Variants in LAMB1 observed in about 807,000 individuals in gnomAD.
LAMB1 encodes the protein laminin subunit beta 1, also known as laminin subunit beta-1.
LAMB1 carries 121 observed loss-of-function variants against 222.3 expected under a neutral mutation model. The observed-to-expected ratio is 0.54, with a 90% CI of 0.47 to 0.63. LAMB1 has a LOEUF of 0.63. Ranked by LOEUF, LAMB1 falls within the 30% of genes least tolerant of loss-of-function variation. The pLI is 0.00. For synonymous variants in LAMB1, 794 were observed against 807.2 expected (o/e 0.98, Z 0.28); for missense variants, 2,172 against 2,240.8 (o/e 0.97, Z 0.62).
In LAMB1 at chr7:107,937,049, G is replaced by A. The variant is rs78931465; in HGVS notation, c.3946+44C>T. ...GCTATATTAAAACGTTAGACATATC[G>A]TTAAATCCATTGTCTGGGACTATTT... On this transcript the variant is annotated intron_variant, in intron 26 of 33. Coordinates refer to ENST00000222399, the MANE Select transcript of LAMB1 (RefSeq NM_002291.3). 8.4e-4 allele frequency: 1,275 copies of A among 1,510,492 alleles called. 23 individuals are homozygous for A. In the East Asian group the frequency reaches 0.028, roughly 33 times the overall value. The allele number at this position is 1,510,492 out of a possible 1,614,324, so 93.6% of individuals were successfully genotyped here. A position where few individuals can be genotyped will look rare whatever the true frequency, so the allele number is the denominator to read the frequency against.
chr7:107,924,430 GT>G (rs1562924821), intron 32 of LAMB1, 41 bp from the exon 33 acceptor site: 1 of 1,495,814 alleles, frequency 6.7e-7, no homozygotes, highest in Non-Finnish European at 9.1e-7. Flanking sequence ...GGTAATGTTA[GT>G]GTCAGTAATT....
chr7:107,991,682 G>A (rs966673449), intron 5 of LAMB1, among the ~76,000 whole-genome samples: 9 of 151,942 alleles, frequency 5.9e-5, no homozygotes, highest in Admixed American at 3.3e-4. Context: ...ACGCCGAGGC[G>A]GGCAGATCAT....
At chr7:107,946,699 C>G (rs1254963885) in intron 24 of LAMB1, among the ~76,000 whole-genome samples, 1 of 152,170 alleles carries the variant, frequency 6.6e-6, no homozygotes, top group East Asian at 1.9e-4. Flanking sequence ...TTATAGTTCT[C>G]TAAAGAATCG....
chr7:107,953,398 G>T, intron 22 of LAMB1, 132 bp downstream of exon 22: 2 of 696,146 alleles, frequency 2.9e-6, no homozygotes, highest in Non-Finnish European at 4.8e-6. Flanking sequence ...TTCCTTAGTT[G>T]AAAGTGAAAT....
intron 24 of LAMB1, among the ~76,000 whole-genome samples, chr7:107,949,088 A>G (rs1480666317): frequency 6.6e-6 from 1 of 152,236 alleles, no homozygotes; most frequent in East Asian, 1.9e-4. Flanking sequence ...GATGAAAGGA[A>G]CAAAGAAGTT....
rs1451849061 is a variant in LAMB1 at position 108,001,642 on chromosome 7, G to A, written c.129C>T (p.Leu43=). The A allele has an allele frequency of 1.9e-6, 3 of 1,613,250 alleles. No homozygotes were observed. The highest frequency in any genetic ancestry group is 8.5e-7 in the Non-Finnish European group (1 of 1,179,884). ...CCGAAAGCTTCTGTGCTCGGCCGAT[G>A]AGAAGGTCGCCCGTGGCGGGATAGC... ...GSCYPATGDL[L]IGRAQKLSVT... Residue 43 remains leucine (L), a synonymous_variant, in exon 3 of 34, where the codon CTC becomes CTT. Transcript: ENST00000222399.
At position 107,924,099 on chromosome 7, in the gene LAMB1, T is replaced by TA; in HGVS notation, c.5225-13dup. The TA allele has an allele frequency of 6.8e-7, 1 of 1,464,380 alleles. No homozygotes were observed. Among genetic ancestry groups the TA allele is most frequent in the Non-Finnish European group, 9.1e-7 (1 of 1,094,648 alleles). 90.7% of individuals were successfully genotyped at this position (1,464,380 alleles called of 1,614,324 possible). On this transcript the variant is annotated splice_polypyrimidine_tract_variant and intron_variant, in intron 33 of 33. Transcript: ENST00000222399. Reference sequence around the variant, plus strand: ...TTTTCTTTCTAAATCTGTGGGGAGATATATATATATAAAGTCTGAGCAATT... The same window carrying TA: ...TTTTCTTTCTAAATCTGTGGGGAGATAATATATATATAAAGTCTGAGCAATT...
chr7:108,002,443 T>A (rs570768692), intron 2 of LAMB1: 13 of 1,301,784 alleles, frequency 1.0e-5, no homozygotes, highest in Admixed American at 2.7e-5. Context: ...CCCCCATCTG[T>A]TCCCAGAATG....
At position 107,931,379 on chromosome 7, in the gene LAMB1, T is replaced by C; in HGVS notation, c.4514A>G (p.Lys1505Arg). ...ACGGGTCAAAAAGTTTCTGATTTGC[T>C]TGATTAGATTTCTCAGCTCCTCATT... ...KSNEELRNLI[K>R]QIRNFLTQDS... is the part of the protein sequence containing the mutation. Residue 1505 changes from lysine (K) to arginine (R), a missense_variant, in exon 29 of 34, where the codon AAG becomes AGG. Transcript: ENST00000222399. 3.7e-6 allele frequency: 6 copies of C among 1,613,542 alleles called. No homozygotes were observed. The highest frequency in any genetic ancestry group is 5.1e-6 in the Non-Finnish European group (6 of 1,179,812).
chr7:107,930,435 T>G (rs756881528), intron 29 of LAMB1, among the ~76,000 whole-genome samples: 43 of 152,248 alleles, frequency 2.8e-4, no homozygotes, highest in Non-Finnish European at 5.1e-4. Flanking sequence ...GACTCCTTAT[T>G]AGCCATGCCT....
intron 7 of LAMB1, 39 bp from the exon 8 acceptor site, chr7:107,980,850 C>T (rs1190739021): frequency 3.9e-6 from 5 of 1,280,714 alleles, no homozygotes; most frequent in Non-Finnish European, 5.5e-6. Flanking sequence ...TCTGATCAGA[C>T]AAGCAAGAAG....
At position 107,953,816 on chromosome 7, in the gene LAMB1, A is replaced by C. The variant is rs544962798; in HGVS notation, c.2855-62T>G. ...TTATTGACTGAAAGCTCACCAGTGCACCGACACTCATGCCTAGAGAGAGCT... is the reference window on the plus strand; with the variant it reads ...TTATTGACTGAAAGCTCACCAGTGCCCCGACACTCATGCCTAGAGAGAGCT... On this transcript the variant is annotated intron_variant, in intron 21 of 33. Transcript: ENST00000222399. 83 of 1,397,984 alleles carry C rather than the reference A, an allele frequency of 5.9e-5. No homozygotes were observed. The African/African-American group carries it at 1.1e-3, about 18-fold the overall frequency. 86.6% of individuals were successfully genotyped at this position (1,397,984 alleles called of 1,614,324 possible).
At position 107,952,223 on chromosome 7, in the gene LAMB1, T is replaced by A. The variant is rs182482078; in HGVS notation, c.3080A>T (p.Lys1027Met). Reference protein sequence around the residue: ...YGDALQQDCRKCVCNYLGTVQ... With the variant: ...YGDALQQDCRMCVCNYLGTVQ... The stretch of plus-strand genomic sequence containing the variant: ...GGTGCCCAGGTAATTACAGACACAC[T>A]CTGCAAAAGAACATCACATTTACTT... The change falls in exon 23 of 34, where the codon AAG (lysine) becomes ATG (methionine). Residue 1027 changes from lysine (K) to methionine (M), a missense_variant and splice_region_variant. Transcript: ENST00000222399. The A allele has an allele frequency of 1.1e-5, 18 of 1,592,272 alleles. No individual in the cohort carries two copies. Among genetic ancestry groups the A allele is most frequent in the Non-Finnish European group, 1.4e-5 (16 of 1,162,704 alleles).
intron 24 of LAMB1, among the ~76,000 whole-genome samples, chr7:107,948,292 T>A (rs983994839): frequency 6.6e-6 from 1 of 152,204 alleles, no homozygotes; most frequent in Non-Finnish European, 1.5e-5. Flanking sequence ...CGGCTAACAT[T>A]TTATAACTTT....
intron 27 of LAMB1, 48 bp downstream of exon 27, chr7:107,935,367 T>C: frequency 8.9e-7 from 1 of 1,119,288 alleles, no homozygotes; most frequent in African/African-American, 1.7e-5. Flanking sequence ...TTTTTTTTTT[T>C]TTTTTTGCTT....
chr7:108,002,775 A>G (rs979346180), intron 2 of LAMB1, 74 bp downstream of exon 2: 1 of 1,601,654 alleles, frequency 6.2e-7, no homozygotes. Flanking sequence ...CACGAAGGTG[A>G]GCAAGCAGCT....
At position 107,924,097 on chromosome 7, in the gene LAMB1, GATATATAT is replaced by G; in HGVS notation, c.5225-18_5225-11del. 1 of 1,476,630 alleles carries G rather than the reference GATATATAT, an allele frequency of 6.8e-7. No individual in the cohort carries two copies. Among genetic ancestry groups the G allele is most frequent in the Non-Finnish European group, 9.0e-7 (1 of 1,105,846 alleles). 91.5% of individuals were successfully genotyped at this position (1,476,630 alleles called of 1,614,324 possible). ...TATTTTCTTTCTAAATCTGTGGGGA[GATATATAT>G]ATATAAAGTCTGAGCAATTTATACT... On this transcript the variant is annotated splice_polypyrimidine_tract_variant and intron_variant, in intron 33 of 33. Transcript: ENST00000222399.
rs77936437 is a variant in LAMB1 at position 107,945,181 on chromosome 7, A to G, written c.3392-4823T>C. Among the ~76,000 whole-genome samples, 627 of 152,296 alleles carry G rather than the reference A, an allele frequency of 4.1e-3. 8 individuals are homozygous for G. Among genetic ancestry groups the G allele is most frequent in the African/African-American group, 0.015 (607 of 41,562 alleles). ...GTTCTGTGGCCAGTAGGCTTCCTCT[A>G]TTTTTACTAAGTTTTCTTATCATTT... On this transcript the variant is annotated intron_variant, in intron 24 of 33. Transcript: ENST00000222399.
intron 5 of LAMB1, among the ~76,000 whole-genome samples, chr7:107,987,254 T>C (rs150333984): frequency 2.0e-4 from 30 of 152,222 alleles, no homozygotes; most frequent in South Asian, 1.5e-3. Flanking sequence ...ATTGGTTAAG[T>C]AGACAGAGAC....
Sources: allele counts gnomAD v4.1 joint callset (sites outside exome capture counted in the v4.1 genomes callset), GRCh38; gene constraint gnomAD v4.1.1; transcripts MANE v1.5; gene names NCBI Gene and HGNC (gene_info 2026-07-23, HGNC 2026-07-21).